The following BCAP31 variants were observed in gnomAD, a reference collection of about 807,000 sequenced individuals.
The protein encoded by BCAP31 is B cell receptor associated protein 31.
For missense variants in BCAP31, 124 were observed against 193.0 expected, an observed-to-expected ratio of 0.64 and a Z score of 2.12; for synonymous variants, 75 against 80.9, an observed-to-expected ratio of 0.93 and a Z score of 0.39.
At chrX:153,715,930 G>A (rs1366320634) in intron 3 of BCAP31, among the ~76,000 whole-genome samples, 1 of 108,077 alleles carries the variant, frequency 9.3e-6, no homozygotes, top group African/African-American at 3.4e-5. Flanking sequence ...GGCAGAGGCG[G>A]GCAGATCACC....
chrX:153,706,358 C>G (rs1869229892), intron 4 of BCAP31, among the ~76,000 whole-genome samples: 3 of 112,438 alleles, frequency 2.7e-5, no homozygotes, highest in Non-Finnish European at 3.8e-5. Flanking sequence ...GCCCAAGCCC[C>G]TGGTCTTTTC....
rs1363170864 is a variant in BCAP31 at position 153,707,126 on chromosome X, C to G, written c.342-3032G>C. Among the ~76,000 whole-genome samples, 8 of 111,182 alleles carry G rather than the reference C, an allele frequency of 7.2e-5. No homozygotes were observed. The East Asian group carries it at 2.3e-3, about 32-fold the overall frequency. ...TCTCGACCCAGCTCAATCCTCACCT[C>G]CCCCCAGAAACCCTTTTGGATCTCC... is the stretch of plus-strand genomic sequence containing the variant. On this transcript the variant is annotated intron_variant, in intron 4 of 7. Transcript: ENST00000345046.
intron 4 of BCAP31, chrX:153,705,514 G>T (rs1248218336): frequency 1.8e-5 from 2 of 112,946 alleles, no homozygotes; most frequent in Non-Finnish European, 3.8e-5. Flanking sequence ...CGTGGCCTAG[G>T]GCTCAGGTTT....
chrX:153,708,629 A>C (rs371797083), intron 4 of BCAP31, among the ~76,000 whole-genome samples: 199 of 112,907 alleles, frequency 1.8e-3, no homozygotes, highest in African/African-American at 6.0e-3. Context: ...GGAAGAAAAA[A>C]AATGAGGCAG....
chrX:153,715,312 G>A (rs1987132041), intron 4 of BCAP31: 1 of 433,915 alleles, frequency 2.3e-6, no homozygotes, highest in South Asian at 3.7e-5. Context: ...AGTATGTGGT[G>A]TGTGAGGGTC....
chrX:153,712,619 A>C (rs2091600317), intron 4 of BCAP31, among the ~76,000 whole-genome samples: 1 of 110,244 alleles, frequency 9.1e-6, no homozygotes, highest in Non-Finnish European at 1.9e-5. Context: ...CAGCTGCCGC[A>C]CTCTCCCGTG....
rs2091527881 is a variant in BCAP31, at chrX:153,702,856, T to C, written c.601+79A>G. The C allele has an allele frequency of 6.0e-6, 7 of 1,165,592 alleles. No individual in the cohort carries two copies. In the African/African-American group the frequency reaches 1.1e-4, roughly 18 times the overall value. On this transcript the variant is annotated intron_variant, in intron 6 of 7. Transcript: ENST00000345046. Reference sequence around the variant, plus strand: ...CGTGCAAGGCTTGTTACTAATACTTTGGCACAAAATGGGCAGCAGCGGGCA... The same window carrying C: ...CGTGCAAGGCTTGTTACTAATACTTCGGCACAAAATGGGCAGCAGCGGGCA...
chrX:153,722,066 G>A (rs1393219163), intron 2 of BCAP31, among the ~76,000 whole-genome samples: 2 of 111,547 alleles, frequency 1.8e-5, no homozygotes, highest in African/African-American at 6.5e-5. Flanking sequence ...ATAAACCTTG[G>A]TTTGTCTATA....
chrX:153,721,040 A>T (rs1393621656), intron 2 of BCAP31, 68 bp from the exon 3 acceptor site: 2 of 973,460 alleles, frequency 2.1e-6, no homozygotes, highest in Admixed American at 4.8e-5. Flanking sequence ...GGCCCTGAGC[A>T]AAATGGAAAT....
At chrX:153,715,215 G>A (rs888385711) in intron 4 of BCAP31, among the ~76,000 whole-genome samples, 1 of 111,632 alleles carries the variant, frequency 9.0e-6, no homozygotes, top group Non-Finnish European at 1.9e-5. Flanking sequence ...GACTCTGAAG[G>A]TCCTCTCCCA....
intron 4 of BCAP31, among the ~76,000 whole-genome samples, chrX:153,707,488 G>A (rs1438003499): frequency 8.1e-5 from 9 of 111,505 alleles, no homozygotes; most frequent in African/African-American, 2.6e-4. Flanking sequence ...TGCACGTAAG[G>A]CTGGACAGAA....
chrX:153,722,914 G>A (rs893442901), intron 2 of BCAP31, among the ~76,000 whole-genome samples: 3 of 110,731 alleles, frequency 2.7e-5, no homozygotes, highest in Admixed American at 1.9e-4. Flanking sequence ...CCTCTCGGGG[G>A]CATTCTGAAG....
intron 1 of BCAP31, 96 bp downstream of exon 1, chrX:153,724,238 C>T: frequency 4.7e-6 from 1 of 213,040 alleles, no homozygotes; most frequent in Non-Finnish European, 8.7e-6. Flanking sequence ...TCCCCGGCCC[C>T]CGGGCCTCCC....
chrX:153,702,757 C>T (rs1211557378), intron 6 of BCAP31, among the ~76,000 whole-genome samples, 178 bp downstream of exon 6: 4 of 112,745 alleles, frequency 3.5e-5, no homozygotes, highest in South Asian at 3.6e-4. Context: ...ACTGGCCTGC[C>T]GGCTAAGCAT....
At chrX:153,722,081 C>T (rs1298131351) in intron 2 of BCAP31, among the ~76,000 whole-genome samples, 3 of 111,601 alleles carry the variant, frequency 2.7e-5, no homozygotes, top group African/African-American at 9.8e-5. Context: ...TCTATATCCC[C>T]CGACCCTGTT....
intron 2 of BCAP31, among the ~76,000 whole-genome samples, chrX:153,722,902 T>C (rs1410343164): frequency 9.1e-6 from 1 of 109,841 alleles, no homozygotes; most frequent in Non-Finnish European, 1.9e-5. Flanking sequence ...TAGATCTTCC[T>C]GCCTCTCGGG....
chrX:153,723,762 G>C, intron 1 of BCAP31: 1 of 1,014,738 alleles, frequency 9.9e-7, no homozygotes, highest in South Asian at 2.3e-5. Flanking sequence ...GCCGCACCTA[G>C]TCCAAGCGCT....
intron 6 of BCAP31, 103 bp downstream of exon 6, chrX:153,702,832 G>T: frequency 9.0e-7 from 1 of 1,107,708 alleles, no homozygotes; most frequent in Non-Finnish European, 1.2e-6. Context: ...TCGAGCGTGC[G>T]TGCAAGGCTT....
chrX:153,710,332 G>A (rs1307088488), intron 4 of BCAP31, among the ~76,000 whole-genome samples: 28 of 111,739 alleles, frequency 2.5e-4, no homozygotes, highest in African/African-American at 8.8e-4. Context: ...CAAGGGTTGT[G>A]AGAGAGAGGC....
Sources: allele counts gnomAD v4.1 joint callset (sites outside exome capture counted in the v4.1 genomes callset), GRCh38; gene constraint gnomAD v4.1.1; transcripts MANE v1.5; gene names NCBI Gene and HGNC (gene_info 2026-07-23, HGNC 2026-07-21).